The following SGCD variants were observed in gnomAD, a reference collection of about 807,000 sequenced individuals.
SGCD encodes sarcoglycan delta, also known as delta-sarcoglycan.
A neutral mutation model predicts 36.6 loss-of-function variants in SGCD; 18 were observed. That is an observed-to-expected ratio of 0.49 (90% confidence interval 0.34 to 0.73). The LOEUF (loss-of-function observed/expected upper bound fraction) is 0.73. Among genes scored for constraint, SGCD ranks in the 30% least tolerant of loss-of-function variants. The pLI is 0.01. For missense variants in SGCD, 387 were observed against 346.7 expected, an observed-to-expected ratio of 1.12 and a Z score of -0.92; for synonymous variants, 133 against 130.6, an observed-to-expected ratio of 1.02 and a Z score of -0.12.
intron 1 of SGCD, among the ~76,000 whole-genome samples, chr5:155,920,402 A>G (rs777883553): frequency 6.6e-6 from 1 of 151,988 alleles, no homozygotes; most frequent in Non-Finnish European, 1.5e-5. Flanking sequence ...AAAGGAGGAG[A>G]AGGGAGTTTA....
chr5:156,734,028 G>T (rs144882863), intron 7 of SGCD, among the ~76,000 whole-genome samples: 257 of 152,222 alleles, frequency 1.7e-3, no homozygotes, highest in Non-Finnish European at 3.0e-3. Flanking sequence ...GTGTGTTTTT[G>T]TAGTGGCTGG....
At chr5:155,814,168 C>T in the SGCD span, among the ~76,000 whole-genome samples, 1 of 152,214 alleles carries the variant, frequency 6.6e-6, no homozygotes, top group Non-Finnish European at 1.5e-5. Context: ...TTTTGTTTCA[C>T]TCTTTTCACA....
chr5:156,216,269 T>A (rs1764571077), intron 3 of SGCD, among the ~76,000 whole-genome samples: 2 of 152,176 alleles, frequency 1.3e-5, no homozygotes, highest in Non-Finnish European at 2.9e-5. Flanking sequence ...GTTACTACAG[T>A]TAATAACAAT....
the SGCD span, among the ~76,000 whole-genome samples, chr5:155,830,248 G>T: frequency 2.6e-5 from 4 of 152,158 alleles, no homozygotes; most frequent in African/African-American, 7.2e-5. Context: ...TGCCAGCAGG[G>T]TGGGCTTCTC....
At position 155,972,292 on chromosome 5, in the gene SGCD, T is replaced by A. The variant is rs573028379; in HGVS notation, c.-282+101868T>A. On this transcript the variant is annotated intron_variant, in intron 1 of 9. Coordinates refer to the SGCD transcript ENST00000517913. Reference sequence around the variant, plus strand: ...AGACAAGCAGCATTAACAGATTAATTTATATTCTTTCAGGCATTTTTAAAT... The same window carrying A: ...AGACAAGCAGCATTAACAGATTAATATATATTCTTTCAGGCATTTTTAAAT... 5.3e-5 allele frequency among the ~76,000 whole-genome samples: 8 copies of A among 152,280 alleles called. No individual in the cohort carries two copies. The South Asian group carries it at 1.7e-3, about 32-fold the overall frequency.
intron 4 of SGCD, among the ~76,000 whole-genome samples, chr5:156,509,437 A>T (rs1419964707): frequency 6.6e-6 from 1 of 152,184 alleles, no homozygotes; most frequent in Non-Finnish European, 1.5e-5. Flanking sequence ...AAAAAAAATT[A>T]ATTCAATATC....
intron 1 of SGCD, among the ~76,000 whole-genome samples, chr5:155,898,182 T>C (rs1302893373): frequency 6.6e-6 from 1 of 152,212 alleles, no homozygotes; most frequent in Non-Finnish European, 1.5e-5. Context: ...TACCTTTTGG[T>C]AAATTGTCCC....
At chr5:156,373,955 T>A (rs1237886749) in intron 3 of SGCD, among the ~76,000 whole-genome samples, 1 of 152,182 alleles carries the variant, frequency 6.6e-6, no homozygotes, top group Non-Finnish European at 1.5e-5. Context: ...CTTAGATGCC[T>A]CTTTCATGTT....
chr5:156,495,642 C>T (rs902977109), intron 3 of SGCD, among the ~76,000 whole-genome samples: 2 of 152,148 alleles, frequency 1.3e-5, no homozygotes, highest in South Asian at 4.1e-4. Flanking sequence ...GTGGGAAGCA[C>T]TCACCCAGCA....
At chr5:156,468,781 C>T (rs1409304779) in intron 3 of SGCD, among the ~76,000 whole-genome samples, 4 of 152,142 alleles carry the variant, frequency 2.6e-5, no homozygotes, top group African/African-American at 7.2e-5. Context: ...CACTTGAGGT[C>T]AGGAGCTCCA....
At position 156,575,444 on chromosome 5, in the gene SGCD, G is replaced by A. The variant is rs111369370; in HGVS notation, c.295-13787G>A. On this transcript the variant is annotated intron_variant, in intron 4 of 8. Transcript: ENST00000337851. ...TCCACTGTAGTAGAACAAGCGGAAAGTGCTCAACTCTAGAGTGCTAGTCCT... is the reference window on the plus strand; with the variant it reads ...TCCACTGTAGTAGAACAAGCGGAAAATGCTCAACTCTAGAGTGCTAGTCCT... Among the ~76,000 whole-genome samples the A allele has an allele frequency of 2.2e-3, 335 of 152,296 alleles. 1 individual carries two copies. Among genetic ancestry groups the A allele is most frequent in the African/African-American group, 7.6e-3 (314 of 41,556 alleles).
intron 1 of SGCD, among the ~76,000 whole-genome samples, chr5:156,016,575 CT>C (rs535245582): frequency 6.6e-6 from 1 of 152,040 alleles, no homozygotes; most frequent in Non-Finnish European, 1.5e-5. Flanking sequence ...TTCTGTATTT[CT>C]TTTTTTACAA....
intron 1 of SGCD, among the ~76,000 whole-genome samples, chr5:156,002,502 T>C (rs911687294): frequency 1.3e-5 from 2 of 152,236 alleles, no homozygotes; most frequent in African/African-American, 4.8e-5. Flanking sequence ...GCATGCCCAT[T>C]GAAGAGAGAG....
chr5:156,326,292 A>G (rs1020006290), upstream of SGCD, among the ~76,000 whole-genome samples: 2 of 152,230 alleles, frequency 1.3e-5, no homozygotes, highest in African/African-American at 4.8e-5. Context: ...AGGGAGTGTC[A>G]TCCAGAAATA....
rs939807035 is a variant in SGCD, at chr5:156,109,917, A to G, written c.-281-7961A>G. The stretch of plus-strand genomic sequence containing the variant: ...TTGTTAGGACAACTATGGGTTACGA[A>G]TCAGGAGACCCTGAATCATTTGACA... On this transcript the variant is annotated intron_variant, in intron 1 of 9. Transcript: ENST00000517913. 2.0e-5 allele frequency among the ~76,000 whole-genome samples: 3 copies of G among 152,202 alleles called. 1 individual carries two copies. The highest frequency in any genetic ancestry group is 1.3e-4 in the Admixed American group (2 of 15,266).
chr5:156,208,778 C>T (rs773848470), intron 3 of SGCD, among the ~76,000 whole-genome samples: 39 of 152,176 alleles, frequency 2.6e-4, no homozygotes, highest in Non-Finnish European at 5.3e-4. Context: ...CCTAGTTGGT[C>T]ATCATCAACA....
At chr5:156,417,948 G>A (rs1469418191) in intron 3 of SGCD, among the ~76,000 whole-genome samples, 1 of 152,172 alleles carries the variant, frequency 6.6e-6, no homozygotes, top group African/African-American at 2.4e-5. Context: ...CTCCCCTCTG[G>A]AAGGAATGGA....
chr5:156,630,788 G>C (rs1036437743), intron 6 of SGCD, among the ~76,000 whole-genome samples: 2 of 152,180 alleles, frequency 1.3e-5, no homozygotes, highest in Admixed American at 1.3e-4. Context: ...AGTAAGATTT[G>C]ACATTAGGTG....
the SGCD span, among the ~76,000 whole-genome samples, chr5:155,784,603 G>C: frequency 2.0e-5 from 3 of 149,920 alleles, no homozygotes; most frequent in African/African-American, 7.4e-5. Flanking sequence ...CCATGGGGCT[G>C]TGTTGGTTCT....
Sources: allele counts gnomAD v4.1 joint callset (sites outside exome capture counted in the v4.1 genomes callset), GRCh38; gene constraint gnomAD v4.1.1; transcripts MANE v1.5; gene names NCBI Gene and HGNC (gene_info 2026-07-23, HGNC 2026-07-21).